RAPGEF5: variants seen among roughly 807,000 people sequenced by gnomAD.
RAPGEF5 encodes M-Ras-regulated GEF.
A neutral mutation model predicts 125.2 loss-of-function variants in RAPGEF5; 65 were observed. That is an observed-to-expected ratio of 0.52 (90% confidence interval 0.43 to 0.64). The LOEUF is 0.64. RAPGEF5 is among the 30% of genes least tolerant of loss of function. The pLI, the probability that RAPGEF5 is intolerant of heterozygous loss-of-function variation, is 0.00. For missense variants in RAPGEF5, 958 were observed against 1,048.1 expected, an observed-to-expected ratio of 0.91 and a Z score of 1.19; for synonymous variants, 391 against 385.9, an observed-to-expected ratio of 1.01 and a Z score of -0.16.
chr7:22,193,285 C>T, intron 11 of RAPGEF5, 82 bp downstream of exon 11: 1 of 1,439,450 alleles, frequency 6.9e-7, no homozygotes. Flanking sequence ...TTTCAGCTAA[C>T]AGTGGGAACC....
At chr7:22,212,342 A>G (rs1395803839) in intron 9 of RAPGEF5, among the ~76,000 whole-genome samples, 1 of 152,062 alleles carries the variant, frequency 6.6e-6, no homozygotes, top group African/African-American at 2.4e-5. Flanking sequence ...CTGACCCTTC[A>G]GATTCTGTCT....
At chr7:22,286,689 T>C (rs1392165607) in intron 6 of RAPGEF5, among the ~76,000 whole-genome samples, 1 of 152,226 alleles carries the variant, frequency 6.6e-6, no homozygotes, top group Non-Finnish European at 1.5e-5. Context: ...TCCTTAAGAA[T>C]TGTGGCTTTG....
At chr7:22,308,788 G>C (rs1180956010) in intron 4 of RAPGEF5, among the ~76,000 whole-genome samples, 2 of 152,174 alleles carry the variant, frequency 1.3e-5, no homozygotes, top group African/African-American at 4.8e-5. Context: ...ACAATTCAAA[G>C]AGGATGGGGA....
At chr7:22,334,666 C>T (rs563502640) in intron 1 of RAPGEF5, among the ~76,000 whole-genome samples, 3 of 152,226 alleles carry the variant, frequency 2.0e-5, no homozygotes, top group Non-Finnish European at 4.4e-5. Context: ...CACTGATCTA[C>T]TGCTTATTAT....
At chr7:22,331,164 G>A (rs529345390) in intron 1 of RAPGEF5, among the ~76,000 whole-genome samples, 5 of 152,286 alleles carry the variant, frequency 3.3e-5, no homozygotes, top group Admixed American at 2.0e-4. Flanking sequence ...GGGTTTTAAA[G>A]AACCCTGAAA....
chr7:22,296,159 G>C (rs1661504903), intron 5 of RAPGEF5, among the ~76,000 whole-genome samples: 1 of 152,090 alleles, frequency 6.6e-6, no homozygotes, highest in Admixed American at 6.5e-5. Flanking sequence ...AGTGAGAGCA[G>C]AAAAAATAAG....
chr7:22,297,804 C>T (rs1198049252), intron 5 of RAPGEF5, among the ~76,000 whole-genome samples: 1 of 152,122 alleles, frequency 6.6e-6, no homozygotes, highest in East Asian at 1.9e-4. Context: ...AAGAGGTGTA[C>T]TAAGAGAAGA....
chr7:22,344,266 G>A (rs924820589), intron 1 of RAPGEF5, among the ~76,000 whole-genome samples: 29 of 152,106 alleles, frequency 1.9e-4, no homozygotes, highest in African/African-American at 6.5e-4. Context: ...TTTCTAGCAT[G>A]GCTCTTACCT....
At chr7:22,237,008 T>A (rs1786208834) in intron 7 of RAPGEF5, among the ~76,000 whole-genome samples, 1 of 152,206 alleles carries the variant, frequency 6.6e-6, no homozygotes. Flanking sequence ...AGGTGCTGCA[T>A]CTCTTCCTTT....
At chr7:22,263,704 T>G (rs1324389787) in intron 7 of RAPGEF5, among the ~76,000 whole-genome samples, 4 of 149,986 alleles carry the variant, frequency 2.7e-5, no homozygotes. Flanking sequence ...CACTCCATTC[T>G]GGGCGACAGA....
At chr7:22,149,935 C>A (rs547973311) in intron 18 of RAPGEF5, among the ~76,000 whole-genome samples, 29 of 29,130 alleles carry the variant, frequency 1.0e-3, no homozygotes, top group African/African-American at 3.6e-3. Context: ...CTGAATTGCT[C>A]AACCCCTTTT....
At chr7:22,202,899 G>A in intron 9 of RAPGEF5, 1 of 372,500 alleles carries the variant, frequency 2.7e-6, no homozygotes, top group Non-Finnish European at 5.4e-6. Context: ...ACTGGACACA[G>A]AGAAAGCCCT....
chr7:22,131,178 A>G (rs748032380), intron 23 of RAPGEF5, 77 bp from the exon 24 acceptor site: 45 of 1,412,110 alleles, frequency 3.2e-5, no homozygotes, highest in Non-Finnish European at 4.0e-5. Flanking sequence ...TCTAGGTACA[A>G]TGCAACTTAT....
chr7:22,228,336 G>T (rs1469224578), intron 8 of RAPGEF5, among the ~76,000 whole-genome samples: 1 of 152,092 alleles, frequency 6.6e-6, no homozygotes, highest in Non-Finnish European at 1.5e-5. Context: ...TATCTATCCT[G>T]GAGGGTTTGC....
intron 2 of RAPGEF5, among the ~76,000 whole-genome samples, chr7:22,316,489 A>ATTTTTTTT (rs1174593478): frequency 2.0e-5 from 1 of 50,646 alleles, no homozygotes; most frequent in South Asian, 9.2e-4. Flanking sequence ...ATATATATAT[A>ATTTTTTTT]TTTTTTTTTT....
chr7:22,324,113 C>T (rs1230852540), intron 1 of RAPGEF5, among the ~76,000 whole-genome samples: 1 of 152,162 alleles, frequency 6.6e-6, no homozygotes, highest in Non-Finnish European at 1.5e-5. Context: ...CCACTTTAAA[C>T]AAATGATAAA....
intron 20 of RAPGEF5, among the ~76,000 whole-genome samples, chr7:22,143,759 C>G (rs1443618832): frequency 1.3e-5 from 2 of 152,188 alleles, no homozygotes; most frequent in African/African-American, 4.8e-5. Flanking sequence ...TCTCGCTCCT[C>G]TAAAGCCTCA....
At chr7:22,332,505 G>A (rs933029085) in intron 1 of RAPGEF5, among the ~76,000 whole-genome samples, 21 of 152,274 alleles carry the variant, frequency 1.4e-4, no homozygotes, top group African/African-American at 5.1e-4. Context: ...CAGAGAACAG[G>A]ATGTTCTTCT....
At chr7:22,151,422 GT>G (rs1408632981) in intron 17 of RAPGEF5, among the ~76,000 whole-genome samples, 1 of 150,626 alleles carries the variant, frequency 6.6e-6, no homozygotes, top group African/African-American at 2.4e-5. Flanking sequence ...TAAAAAATAG[GT>G]ATAAAACTTG....
Sources: allele counts gnomAD v4.1 joint callset (sites outside exome capture counted in the v4.1 genomes callset), GRCh38; gene constraint gnomAD v4.1.1; transcripts MANE v1.5; gene names NCBI Gene and HGNC (gene_info 2026-07-23, HGNC 2026-07-21).